Variants in CCN5 observed in about 807,000 individuals in gnomAD.
CCN5 encodes CCN family member 5.
CCN5 carries 17 observed loss-of-function variants against 18.7 expected under a neutral mutation model. That is an observed-to-expected ratio of 0.91 (90% CI 0.62 to 1.36). The LOEUF is 1.36. Ranked by LOEUF, CCN5 falls within the 40% of genes most tolerant of loss-of-function variation. The pLI is 0.00. For synonymous variants in CCN5, 135 were observed against 145.2 expected (o/e 0.93, Z 0.50); for missense variants, 367 against 342.9 (o/e 1.07, Z -0.56).
intron 3 of CCN5, among the ~76,000 whole-genome samples, chr20:44,726,402 T>C (rs2065936411): frequency 6.6e-6 from 1 of 152,112 alleles, no homozygotes; most frequent in Admixed American, 6.5e-5. Context: ...TCAGGGTTTC[T>C]CAACGTCAGC....
At chr20:44,718,729 G>A (rs754491091) in intron 1 of CCN5, among the ~76,000 whole-genome samples, 3 of 152,132 alleles carry the variant, frequency 2.0e-5, no homozygotes, top group African/African-American at 4.8e-5. Context: ...GCCCTGAATC[G>A]AACACACTGA....
chr20:44,727,000 C>A, intron 3 of CCN5, 87 bp from the exon 4 acceptor site: 1 of 1,333,242 alleles, frequency 7.5e-7, no homozygotes, highest in Non-Finnish European at 1.0e-6. Context: ...GCCATTTGAC[C>A]AAGATTGCCG....
chr20:44,715,093 C>CGT (rs1228738539), upstream of CCN5: 7 of 338,060 alleles, frequency 2.1e-5, no homozygotes, highest in South Asian at 6.3e-5. Context: ...CACACACACA[C>CGT]GCGCACACAC....
chr20:44,715,080 TCA>T (rs1164261881), upstream of CCN5: 113 of 298,212 alleles, frequency 3.8e-4, no homozygotes, highest in Middle Eastern at 1.1e-3. Context: ...GCTCAGGCTT[TCA>T]CACACACACA....
Position 44,719,911 on chromosome 20 carries a change from G to A in CCN5, c.75G>A (p.Leu25=). ...LCLLSKVRTQ[L]CPTPCTCPWP... ...TGTCTCTTCAGGTGCGTACCCAGCT[G>A]TGCCCGACACCATGTACCTGCCCCT... Residue 25 remains leucine, a synonymous_variant, in exon 2 of 4, where the codon CTG becomes CTA. Coordinates refer to ENST00000190983, the MANE Select transcript of CCN5 (RefSeq NM_003881.4). The A allele has an allele frequency of 6.2e-7, 1 of 1,613,504 alleles. No individual in the cohort carries two copies. Among genetic ancestry groups the A allele is most frequent in the East Asian group, 2.2e-5 (1 of 44,866 alleles).
In CCN5 at chr20:44,727,366, G is replaced by A. The variant is rs1176685249; in HGVS notation, c.*59G>A. 1 of 1,525,120 alleles carries A rather than the reference G, an allele frequency of 6.6e-7. No homozygotes were observed. The highest frequency in any genetic ancestry group is 2.4e-5 in the East Asian group (1 of 41,720). 94.5% of individuals were successfully genotyped at this position (1,525,120 alleles called of 1,614,324 possible). A position where few individuals can be genotyped will look rare whatever the true frequency, so the allele number is the denominator to read the frequency against. On this transcript the variant is annotated 3_prime_UTR_variant, in exon 4 of 4. Transcript: ENST00000190983. ...ATCCCCAGCTGGTGGCCCTGTGCCT[G>A]GGCCCTGGGCTGATGGAAGATGGTC...
intron 3 of CCN5, among the ~76,000 whole-genome samples, chr20:44,725,389 G>T (rs1011215981): frequency 2.6e-5 from 4 of 151,562 alleles, no homozygotes; most frequent in African/African-American, 9.7e-5. Context: ...AGTGAGCCCA[G>T]ATCACACCAC....
At chr20:44,715,256 TGTGTGAGCGCGC>T (rs1463191360), upstream of CCN5, 3 of 244,910 alleles carry the variant, frequency 1.2e-5, no homozygotes, top group African/African-American at 7.0e-5. Context: ...TGTGTGTGTG[TGTGTGAGCGCGC>T]GCGCGCGCGC....
At chr20:44,718,680 T>TGAGTCCTCACTTGG (rs1159557304) in intron 1 of CCN5, among the ~76,000 whole-genome samples, 1 of 152,174 alleles carries the variant, frequency 6.6e-6, no homozygotes, top group Non-Finnish European at 1.5e-5. Flanking sequence ...CCCGTGTCCC[T>TGAGTCCTCACTTGG]GAGTCCTCAC....
chr20:44,726,071 G>A (rs574891201), intron 3 of CCN5, among the ~76,000 whole-genome samples: 5 of 152,304 alleles, frequency 3.3e-5, no homozygotes, highest in African/African-American at 1.2e-4. Flanking sequence ...CTGTGTCTCA[G>A]TTTCTCCAGC....
chr20:44,724,864 G>C lies in CCN5; in HGVS notation c.404G>C (p.Ser135Thr). The part of the protein sequence containing the change: ...DGGFTCVPLC[S>T]EDVRLPSWDC... ...GGCTTCACCTGCGTGCCGCTGTGCA[G>C]CGAGGATGTGCGGCTGCCCAGCTGG... The change falls in exon 3 of 4, where the codon AGC (serine) becomes ACC (threonine). Residue 135 changes from serine to threonine, a missense_variant. Transcript: ENST00000190983. 1 of 1,595,460 alleles carries C rather than the reference G, an allele frequency of 6.3e-7. No homozygotes were observed. The highest frequency in any genetic ancestry group is 8.5e-7 in the Non-Finnish European group (1 of 1,172,074).
At chr20:44,717,167 TTAC>T (rs1319580182) in intron 1 of CCN5, among the ~76,000 whole-genome samples, 1 of 152,190 alleles carries the variant, frequency 6.6e-6, no homozygotes, top group Non-Finnish European at 1.5e-5. Context: ...ACTGGCTGTG[TTAC>T]TACACGGTTT....
At chr20:44,724,714 G>T (rs776792074) in intron 2 of CCN5, 24 bp from the exon 3 acceptor site, 3 of 1,611,676 alleles carry the variant, frequency 1.9e-6, no homozygotes, top group Non-Finnish European at 2.5e-6. Context: ...GGTCACCGAT[G>T]GGGGTGCGGT....
intron 2 of CCN5, 198 bp downstream of exon 2, chr20:44,720,311 C>G (rs1451359831): frequency 4.9e-6 from 3 of 616,720 alleles, no homozygotes; most frequent in Non-Finnish European, 8.4e-6. Flanking sequence ...CTGCTTAAAC[C>G]ATCTCACTAC....
chr20:44,727,277 G>C lies in CCN5; in HGVS notation c.723G>C (p.Arg241Ser). 6.2e-7 allele frequency: 1 copy of C among 1,613,300 alleles called. No homozygotes were observed. The highest frequency in any genetic ancestry group is 8.5e-7 in the Non-Finnish European group (1 of 1,179,730). ...TGTCCAGGCCCTGCCCACCCTCCAG[G>C]GGTCGCAGTCCACAAAACAGTGCCT... ...LCLSRPCPPS[R>S]GRSPQNSAF Residue 241 changes from arginine (R) to serine (S), a missense_variant, in exon 4 of 4, where the codon AGG (arginine) becomes AGC (serine). Physicochemically the swap from Arg to Ser is moderately radical, Grantham distance 110. Transcript: ENST00000190983.
At chr20:44,724,202 A>G (rs1346092447) in intron 2 of CCN5, 1 of 152,690 alleles carries the variant, frequency 6.5e-6, no homozygotes, top group African/African-American at 2.4e-5. Context: ...ACACACAGCC[A>G]GCAAGTTAAG....
At chr20:44,717,570 G>A (rs963089179) in intron 1 of CCN5, among the ~76,000 whole-genome samples, 9 of 152,208 alleles carry the variant, frequency 5.9e-5, no homozygotes, top group African/African-American at 2.2e-4. Context: ...TGAATCACCT[G>A]TGGATTTATG....
At position 44,727,468 on chromosome 20, in the gene CCN5, T is replaced by G; in HGVS notation, c.*161T>G. 1 of 1,432,620 alleles carries G rather than the reference T, an allele frequency of 7.0e-7. No individual in the cohort carries two copies. Among genetic ancestry groups the G allele is most frequent in the African/African-American group, 1.4e-5 (1 of 69,138 alleles). The allele number at this position is 1,432,620 out of a possible 1,614,324, so 88.7% of individuals were successfully genotyped here. A position where few individuals can be genotyped will look rare whatever the true frequency, so the allele number is the denominator to read the frequency against. ...AGAACACCAATATTAACACGCTGCC[T>G]GGTCTGTCTGGATCCCGAGGTATGG... On this transcript the variant is annotated 3_prime_UTR_variant, in exon 4 of 4. Coordinates refer to ENST00000190983, the MANE Select transcript of CCN5 (RefSeq NM_003881.4).
chr20:44,720,267 C>T (rs372319679), intron 2 of CCN5, 154 bp downstream of exon 2: 7 of 746,302 alleles, frequency 9.4e-6, no homozygotes, highest in South Asian at 8.3e-5. Flanking sequence ...GTCCCAAAGC[C>T]CACTCCCCAC....
Sources: gnomAD v4.1 joint callset for allele counts (sites outside exome capture counted in the v4.1 genomes callset) on GRCh38, gnomAD v4.1.1 for gene constraint, MANE v1.5 for transcripts, NCBI Gene and HGNC (gene_info 2026-07-23, HGNC 2026-07-21) for gene names.